The following ECSIT variants were observed in gnomAD, a reference collection of about 807,000 sequenced individuals.
ECSIT encodes evolutionarily conserved signaling intermediate in Toll pathway, mitochondrial.
Under a neutral mutation model 36.8 loss-of-function variants are expected in ECSIT, and 29 were observed. The observed-to-expected ratio is 0.79, with a 90% CI of 0.59 to 1.08. ECSIT has a LOEUF of 1.08. Among genes scored for constraint, ECSIT ranks in the 50% least tolerant of loss-of-function variants. The probability of loss-of-function intolerance (pLI) is 0.00; values close to 1 mark genes in which losing one functional copy is unlikely to be tolerated. For synonymous variants in ECSIT, 231 were observed against 234.8 expected (o/e 0.98, Z 0.15); for missense variants, 542 against 581.0 (o/e 0.93, Z 0.69).
In ECSIT at chr19:11,513,267, T is replaced by C; in HGVS notation, c.527A>G (p.Asn176Ser). 6.2e-7 allele frequency: 1 copy of C among 1,613,964 alleles called. No homozygotes were observed. The part of the protein sequence containing the change: ...EQMENHGVMP[N>S]KETEFLLIQI... ...AATCAGCAGGAACTCCGTCTCCTTG[T>C]TGGGCATCACACCTGTGCTGGGCAG... Residue 176 changes from asparagine to serine, a missense_variant, in exon 4 of 8, where the codon AAC becomes AGC. By Grantham distance (46) the Asn-to-Ser change is conservative. Transcript: ENST00000270517.
chr19:11,522,220 A>G (rs1972119273), intron 1 of ECSIT: 2 of 563,696 alleles, frequency 3.5e-6, no homozygotes, highest in South Asian at 2.0e-5. Flanking sequence ...CTGCGCTACA[A>G]ACTCCCAGAG....
intron 1 of ECSIT, among the ~76,000 whole-genome samples, chr19:11,526,653 C>G (rs1972220483): frequency 6.6e-6 from 1 of 151,956 alleles, no homozygotes; most frequent in Admixed American, 6.6e-5. Flanking sequence ...ACTTGGATAC[C>G]TATCAAGCCT....
chr19:11,516,815 T>C (rs112800378), intron 2 of ECSIT, among the ~76,000 whole-genome samples: 8,478 of 151,178 alleles, frequency 0.056, 294 homozygotes, highest in African/African-American at 0.092. Flanking sequence ...GTCAGGAGTT[T>C]GAGACCAGCC....
At position 11,519,022 on chromosome 19, in the gene ECSIT, CA is replaced by C; in HGVS notation, c.96+52del. ...GAGTGGATTCTGAAGGAGTTGGGAG[CA>C]AATCCCAAGCTTACCTCCCTCTACC... On this transcript the variant is annotated intron_variant, in intron 2 of 7. Coordinates refer to ENST00000270517, the MANE Select transcript of ECSIT (RefSeq NM_016581.5). This position sits in a 1 kb window ranked among gnomAD's most constrained non-coding sequence, Gnocchi z 4.4. 6.8e-7 allele frequency: 1 copy of C among 1,464,358 alleles called. No homozygotes were observed. Among genetic ancestry groups the C allele is most frequent in the African/African-American group, 1.4e-5 (1 of 71,532 alleles). The allele number at this position is 1,464,358 out of a possible 1,614,324, so 90.7% of individuals were successfully genotyped here.
chr19:11,526,325 A>C (rs1215704810), intron 1 of ECSIT, among the ~76,000 whole-genome samples: 1 of 152,118 alleles, frequency 6.6e-6, no homozygotes. Flanking sequence ...AGAAGTGGTG[A>C]TCTGTGTGCT....
intron 4 of ECSIT, among the ~76,000 whole-genome samples, chr19:11,512,494 G>A (rs1308427886): frequency 6.6e-6 from 1 of 152,144 alleles, no homozygotes; most frequent in African/African-American, 2.4e-5. Flanking sequence ...CTCTAGAACT[G>A]TGAGCAATAA....
chr19:11,506,097 T>A lies in ECSIT; in HGVS notation c.*87A>T. ...GAAGAGAGCCCCAAGCAGGAAAACATTGATTTGCTGTACACTCAAAGGGCA... is the reference window on the plus strand; with the variant it reads ...GAAGAGAGCCCCAAGCAGGAAAACAATGATTTGCTGTACACTCAAAGGGCA... On this transcript the variant is annotated 3_prime_UTR_variant, in exon 8 of 8. Transcript: ENST00000270517. 6.5e-7 allele frequency: 1 copy of A among 1,542,046 alleles called. No homozygotes were observed. The highest frequency in any genetic ancestry group is 1.2e-5 in the South Asian group (1 of 84,834).
chr19:11,506,349 C>G lies in ECSIT; in HGVS notation c.1131G>C (p.Leu377=), dbSNP rs1971737369. ...QATMAKWIQG[L]QETNPTLAQI... is the part of the protein sequence containing the mutation. ...GGGCCAGGGTTGGGTTGGTCTCCTG[C>G]AGGCCCTGGATCCACTTAGCCATCG... Residue 377 remains leucine, a synonymous_variant, in exon 8 of 8, where the codon CTG becomes CTC. Transcript: ENST00000270517. 6.2e-7 allele frequency: 1 copy of G among 1,613,498 alleles called. No homozygotes were observed. The highest frequency in any genetic ancestry group is 1.1e-5 in the South Asian group (1 of 91,092).
intron 3 of ECSIT, among the ~76,000 whole-genome samples, 164 bp from the exon 4 acceptor site, chr19:11,513,443 G>A (rs1049598658): frequency 2.0e-5 from 3 of 151,658 alleles, no homozygotes; most frequent in Non-Finnish European, 4.4e-5. Flanking sequence ...CCAGCACATT[G>A]GGAGGCCAAG....
chr19:11,509,899 C>T (rs533949431), intron 4 of ECSIT, among the ~76,000 whole-genome samples: 19 of 150,820 alleles, frequency 1.3e-4, no homozygotes, highest in Non-Finnish European at 2.4e-4. Flanking sequence ...GATGGAGTTT[C>T]GCTCTTGTTG....
At chr19:11,509,378 A>ATT (rs564948574) in intron 4 of ECSIT, among the ~76,000 whole-genome samples, 9,508 of 146,222 alleles carry the variant, frequency 0.065, 975 homozygotes, top group African/African-American at 0.24. Context: ...CCGCTGACAA[A>ATT]GTTTTTTTTT....
At position 11,514,057 on chromosome 19, in the gene ECSIT, C is replaced by T. The variant is rs779893943; in HGVS notation, c.261G>A (p.Ala87=). The T allele has an allele frequency of 3.0e-5, 49 of 1,614,068 alleles. No homozygotes were observed. The highest frequency in any genetic ancestry group is 3.6e-5 in the Non-Finnish European group (43 of 1,180,020). ...ATTTCTGCACCGTCTGCAGGAAGCT[C>T]GCCTTGTCCCGTTCCCCACCAGGCG... ...GQAPGGERDK[A]SFLQTVQKFA... is the part of the protein sequence containing the mutation. Residue 87 remains alanine, a synonymous_variant, in exon 3 of 8, where the codon GCG becomes GCA. Coordinates refer to ENST00000270517, the MANE Select transcript of ECSIT (RefSeq NM_016581.5).
chr19:11,506,292 G>A lies in ECSIT; in HGVS notation c.1188C>T (p.Ser396=). 1.2e-6 allele frequency: 2 copies of A among 1,612,852 alleles called. No homozygotes were observed. Among genetic ancestry groups the A allele is most frequent in the Non-Finnish European group, 1.7e-6 (2 of 1,179,840 alleles). The change falls in exon 8 of 8, where the codon TCC becomes TCT. Residue 396 remains serine, a synonymous_variant. Coordinates refer to ENST00000270517, the MANE Select transcript of ECSIT (RefSeq NM_016581.5). The part of the protein sequence containing the change: ...QIPVVFRLAG[S]TRELQTSSAG... ...CAGAGGATGTCTGGAGCTCCCGGGT[G>A]GACCCGGCGAGGCGGAAGACCACGG... is the stretch of plus-strand genomic sequence containing the variant.
At chr19:11,527,199 G>A (rs7253484) in intron 1 of ECSIT, among the ~76,000 whole-genome samples, 6,627 of 152,210 alleles carry the variant, frequency 0.044, 488 homozygotes, top group African/African-American at 0.15. Context: ...GCAGGCACCT[G>A]TAATCCCAGC....
At chr19:11,515,368 C>T (rs1444745839) in intron 2 of ECSIT, among the ~76,000 whole-genome samples, 1 of 152,038 alleles carries the variant, frequency 6.6e-6, no homozygotes, top group Non-Finnish European at 1.5e-5. Flanking sequence ...CTCCCAAGTG[C>T]TGGGATTACA....
chr19:11,507,868 A>G lies in ECSIT; in HGVS notation c.797-18T>C, dbSNP rs764360311. The G allele has an allele frequency of 4.3e-6, 7 of 1,613,632 alleles. 1 individual carries two copies. In the South Asian group the frequency reaches 6.6e-5, roughly 15 times the overall value. On this transcript the variant is annotated intron_variant, in intron 5 of 7. Transcript: ENST00000270517. Reference sequence around the variant, plus strand: ...CTGGATTCCTGGTGTGGAGACATACATGCCCTGTGCCCTGCAAGGGACTCG... The same window carrying G: ...CTGGATTCCTGGTGTGGAGACATACGTGCCCTGTGCCCTGCAAGGGACTCG...
At chr19:11,514,271 G>A (rs947165938) in intron 2 of ECSIT, 50 bp from the exon 3 acceptor site, 1 of 1,512,048 alleles carries the variant, frequency 6.6e-7, no homozygotes, top group African/African-American at 1.4e-5. Context: ...AGTGTCTATG[G>A]GGGGCCGCCA....
At chr19:11,507,651 A>G (rs1219249382) in intron 6 of ECSIT, 51 bp downstream of exon 6, 1 of 1,613,500 alleles carries the variant, frequency 6.2e-7, no homozygotes, top group East Asian at 2.2e-5. Flanking sequence ...CCCTCAGGGT[A>G]GTGCCAGCCC....
intron 4 of ECSIT, 76 bp downstream of exon 4, chr19:11,512,980 A>G: frequency 7.1e-7 from 1 of 1,408,776 alleles, no homozygotes; most frequent in South Asian, 1.2e-5. Context: ...CTAGAGTGAG[A>G]GAAGGGGAGC....
Sources: allele counts gnomAD v4.1 joint callset (sites outside exome capture counted in the v4.1 genomes callset), GRCh38; gene constraint gnomAD v4.1.1; non-coding constraint Gnocchi (gnomAD v3.1); transcripts MANE v1.5; gene names NCBI Gene and HGNC (gene_info 2026-07-23, HGNC 2026-07-21).